POR: variants seen among roughly 807,000 people sequenced by gnomAD.
The protein encoded by POR is cytochrome p450 oxidoreductase, also known as NADPH--cytochrome P450 reductase.
A neutral mutation model predicts 84.0 loss-of-function variants in POR; 56 were observed. The observed-to-expected ratio is 0.67, with a 90% CI of 0.54 to 0.83. The LOEUF (loss-of-function observed/expected upper bound fraction) is 0.83. POR is among the 40% of genes least tolerant of loss of function. The pLI, the probability that POR is intolerant of heterozygous loss-of-function variation, is 0.00. For missense variants in POR, 938 were observed against 944.3 expected, an observed-to-expected ratio of 0.99 and a Z score of 0.09; for synonymous variants, 414 against 400.5, an observed-to-expected ratio of 1.03 and a Z score of -0.40.
chr7:75,945,037 C>T (rs1787115771), intron 1 of POR, among the ~76,000 whole-genome samples: 1 of 152,050 alleles, frequency 6.6e-6, no homozygotes, highest in Non-Finnish European at 1.5e-5. Flanking sequence ...CCTATAATCC[C>T]AGCACTTTGG....
intron 7 of POR, chr7:75,981,951 G>A (rs1431601209): frequency 3.7e-5 from 21 of 568,498 alleles, no homozygotes; most frequent in Admixed American, 3.4e-4. Context: ...CCTGGGTGCT[G>A]CCCGGGCTTC....
Position 75,980,725 on chromosome 7 carries a change from A to G in POR, c.516+237A>G, listed in dbSNP as rs1554557655. ...GCATTGGGTGCTGGAGACTAAAGGC[A>G]AGAAAGGTCTGGCTGGACGACTGAG... is the stretch of plus-strand genomic sequence containing the variant. On this transcript the variant is annotated intron_variant, in intron 5 of 15. Coordinates refer to ENST00000461988, the MANE Select transcript of POR (RefSeq NM_000941.3). The G allele has an allele frequency of 3.3e-6, 5 of 1,509,310 alleles. No homozygotes were observed. The East Asian group carries it at 1.3e-4, about 38-fold the overall frequency. The allele number at this position is 1,509,310 out of a possible 1,614,324, so 93.5% of individuals were successfully genotyped here.
At chr7:75,971,124 G>C (rs1474781197) in intron 2 of POR, 2 of 151,440 alleles carry the variant, frequency 1.3e-5, no homozygotes, top group Non-Finnish European at 1.5e-5. Context: ...ACCAGGCCCG[G>C]CTAATTTTTG....
intron 2 of POR, among the ~76,000 whole-genome samples, chr7:75,958,140 A>G (rs1787766513): frequency 6.6e-6 from 1 of 152,136 alleles, no homozygotes; most frequent in African/African-American, 2.4e-5. Context: ...ATTTTGAGGC[A>G]GGGTCTCACT....
intron 2 of POR, 51 bp downstream of exon 2, chr7:75,954,231 C>T: frequency 6.6e-7 from 1 of 1,520,700 alleles, no homozygotes; most frequent in Non-Finnish European, 9.0e-7. Context: ...TGTCACCACT[C>T]CAAGCAGTGT....
intron 1 of POR, among the ~76,000 whole-genome samples, chr7:75,931,798 C>A (rs1445107725): frequency 1.3e-5 from 2 of 152,170 alleles, no homozygotes; most frequent in African/African-American, 4.8e-5. Flanking sequence ...CAGACTCACC[C>A]ACACATGAAC....
At chr7:75,979,380 C>G in intron 3 of POR, 71 bp from the exon 4 acceptor site, 1 of 1,571,174 alleles carries the variant, frequency 6.4e-7, no homozygotes, top group Non-Finnish European at 8.6e-7. Flanking sequence ...GCCAGGCCTG[C>G]CCAGTGGGTG....
intron 1 of POR, among the ~76,000 whole-genome samples, chr7:75,922,118 C>G (rs1377798362): frequency 6.6e-6 from 1 of 152,092 alleles, no homozygotes; most frequent in Non-Finnish European, 1.5e-5. Context: ...TACGGTTGGA[C>G]TAGAAGGTGA....
intron 10 of POR, 139 bp from the exon 11 acceptor site, chr7:75,984,638 A>C (rs1028965711): frequency 1.4e-6 from 1 of 734,836 alleles, no homozygotes; most frequent in Non-Finnish European, 2.4e-6. Flanking sequence ...GGCATCAGAG[A>C]GCATAGGCCT....
chr7:75,942,075 T>C (rs1194004766), intron 1 of POR, among the ~76,000 whole-genome samples: 2 of 152,026 alleles, frequency 1.3e-5, no homozygotes, highest in African/African-American at 4.8e-5. Flanking sequence ...TTTAAAAAGT[T>C]AGCTGGGCAT....
intron 1 of POR, among the ~76,000 whole-genome samples, chr7:75,926,103 A>G (rs1807109890): frequency 1.3e-5 from 2 of 149,638 alleles, no homozygotes; most frequent in African/African-American, 4.9e-5. Context: ...TGCAGTCTCA[A>G]ACTCCTTAAG....
At chr7:75,965,300 A>C (rs1397739911) in intron 2 of POR, among the ~76,000 whole-genome samples, 1 of 131,468 alleles carries the variant, frequency 7.6e-6, no homozygotes, top group Non-Finnish European at 1.7e-5. Flanking sequence ...AGTGCTTTTG[A>C]AAACATAATT....
rs373792321 is a variant in POR at position 75,948,085 on chromosome 7, TGAGA to T, written c.-4-5897_-4-5894del. 6.2e-4 allele frequency among the ~76,000 whole-genome samples: 94 copies of T among 151,910 alleles called. No individual in the cohort carries two copies. The Middle Eastern group carries it at 0.01, about 16-fold the overall frequency. ...CTTCCCTCAAGGAGCTCACACCGAG[TGAGA>T]GAGAGACCCATGTCCTAAGTAGAGG... On this transcript the variant is annotated intron_variant, in intron 1 of 15. Coordinates refer to ENST00000461988, the MANE Select transcript of POR (RefSeq NM_000941.3).
chr7:75,980,808 C>G, intron 5 of POR: 1 of 1,282,722 alleles, frequency 7.8e-7, no homozygotes, highest in Non-Finnish European at 1.0e-6. Flanking sequence ...GGGCTGGCCC[C>G]GCTTCCCTGT....
At chr7:75,948,967 G>A (rs374842444) in intron 1 of POR, among the ~76,000 whole-genome samples, 1 of 152,160 alleles carries the variant, frequency 6.6e-6, no homozygotes, top group East Asian at 1.9e-4. Context: ...ATGAGGGAGT[G>A]AATTTTGCAA....
intron 1 of POR, among the ~76,000 whole-genome samples, chr7:75,928,216 G>T (rs1432175221): frequency 6.6e-6 from 1 of 152,020 alleles, no homozygotes; most frequent in African/African-American, 2.4e-5. Flanking sequence ...TGATCCACCC[G>T]CCTCGGCCTC....
At chr7:75,979,993 C>A (rs981862398) in intron 4 of POR, among the ~76,000 whole-genome samples, 1 of 152,218 alleles carries the variant, frequency 6.6e-6, no homozygotes, top group African/African-American at 2.4e-5. Flanking sequence ...TGCACCGGGG[C>A]TGTGCGGTGC....
intron 2 of POR, among the ~76,000 whole-genome samples, chr7:75,955,886 T>C (rs1787664958): frequency 2.0e-5 from 3 of 152,108 alleles, no homozygotes; most frequent in Admixed American, 2.0e-4. Context: ...GATTCCCTAT[T>C]CCAATCTGGG....
intron 12 of POR, 85 bp downstream of exon 12, chr7:75,985,292 T>C: frequency 7.0e-7 from 1 of 1,432,524 alleles, no homozygotes; most frequent in East Asian, 2.5e-5. Context: ...GCACAGGAGC[T>C]CCGAGATCTG....
Sources: allele counts gnomAD v4.1 joint callset (sites outside exome capture counted in the v4.1 genomes callset), GRCh38; gene constraint gnomAD v4.1.1; transcripts MANE v1.5; gene names NCBI Gene and HGNC (gene_info 2026-07-23, HGNC 2026-07-21).